The following NUP210 variants were observed in gnomAD, a reference collection of about 807,000 sequenced individuals.
The protein encoded by NUP210 is nucleoporin 210, also known as nuclear pore membrane glycoprotein 210.
NUP210 carries 151 observed loss-of-function variants against 196.0 expected under a neutral mutation model. The observed-to-expected ratio is 0.77, with a 90% CI of 0.67 to 0.88. The LOEUF (loss-of-function observed/expected upper bound fraction) is 0.88, where lower values mean the gene tolerates loss of function less well. Among genes scored for constraint, NUP210 ranks in the 40% least tolerant of loss-of-function variants. The probability of loss-of-function intolerance (pLI) is 0.00; values close to 1 mark genes in which losing one functional copy is unlikely to be tolerated. For synonymous variants in NUP210, 1,070 were observed against 1,052.7 expected (o/e 1.02, Z -0.32); for missense variants, 2,314 against 2,493.7 (o/e 0.93, Z 1.53).
chr3:13,324,612 C>G (rs564599685), intron 33 of NUP210, among the ~76,000 whole-genome samples: 1 of 152,288 alleles, frequency 6.6e-6, no homozygotes, highest in African/African-American at 2.4e-5. Context: ...TCCCTCCCGT[C>G]TCTCCCAAAC....
At chr3:13,388,228 G>T in intron 5 of NUP210, 75 bp downstream of exon 5, 3 of 1,158,152 alleles carry the variant, frequency 2.6e-6, no homozygotes, top group Non-Finnish European at 2.4e-6. Flanking sequence ...TAGGTGTGAT[G>T]GTACCTATAA....
chr3:13,375,259 G>A (rs1183538478), intron 11 of NUP210, among the ~76,000 whole-genome samples: 3 of 151,604 alleles, frequency 2.0e-5, no homozygotes, highest in African/African-American at 7.3e-5. Context: ...AAAGTGCTGG[G>A]ACTGCAGGTG....
intron 20 of NUP210, 97 bp downstream of exon 20, chr3:13,351,782 G>A (rs749247844): frequency 2.4e-6 from 2 of 818,740 alleles, no homozygotes; most frequent in East Asian, 5.1e-5. Flanking sequence ...CCGAGTGTGA[G>A]TCAAGTGCTA....
chr3:13,394,008 T>C lies in NUP210; in HGVS notation c.437-2701A>G, dbSNP rs558240007. 1.1e-4 allele frequency among the ~76,000 whole-genome samples: 17 copies of C among 152,370 alleles called. No individual in the cohort carries two copies. The East Asian group carries it at 2.7e-3, about 24-fold the overall frequency. ...CAGAAGAATGAACTGATTTCAGTTA[T>C]GTCTTCCTAGTGCTGACCTTGACAA... On this transcript the variant is annotated intron_variant, in intron 3 of 39. Transcript: ENST00000254508.
chr3:13,383,647 C>G (rs1699174673), intron 6 of NUP210, among the ~76,000 whole-genome samples: 1 of 151,276 alleles, frequency 6.6e-6, no homozygotes, highest in Non-Finnish European at 1.5e-5. Flanking sequence ...GCCTCAGCCT[C>G]CTGAGTAGCT....
Position 13,348,389 on chromosome 3 carries a change from G to A in NUP210, c.2835+3490C>T. 1 of 985,378 alleles carries A rather than the reference G, an allele frequency of 1.0e-6. No individual in the cohort carries two copies. The highest frequency in any genetic ancestry group is 1.2e-6 in the Non-Finnish European group (1 of 829,908). The allele number at this position is 985,378 out of a possible 1,614,324, so 61.0% of individuals were successfully genotyped here. A position where few individuals can be genotyped will look rare whatever the true frequency, so the allele number is the denominator to read the frequency against. On this transcript the variant is annotated intron_variant, in intron 20 of 39. Transcript: ENST00000254508. This position sits in a 1 kb window ranked among gnomAD's most constrained non-coding sequence, Gnocchi z 4.0. ...CTCTGGTCACAAGTCCACCCTCAGA[G>A]CTTGCACAGAATGACAGGTGCAAGG... is the stretch of plus-strand genomic sequence containing the variant.
In NUP210 at chr3:13,337,829, C is replaced by T. The variant is rs373780702; in HGVS notation, c.3552+8G>A. On this transcript the variant is annotated splice_region_variant and intron_variant, in intron 26 of 39. Coordinates refer to ENST00000254508, the MANE Select transcript of NUP210 (RefSeq NM_024923.4). Reference sequence around the variant, plus strand: ...AACCAGGATTCAGAGCCCAGGAGGTCCCCTCACCTGGGTGCCCGTCCTCAT... The same window carrying T: ...AACCAGGATTCAGAGCCCAGGAGGTTCCCTCACCTGGGTGCCCGTCCTCAT... 5.2e-5 allele frequency: 83 copies of T among 1,606,446 alleles called. No homozygotes were observed. In the Admixed American group the frequency reaches 1.4e-3, roughly 27 times the overall value.
rs1697015664 is a variant in NUP210 at position 13,332,028 on chromosome 3, T to C, written c.3935+265A>G. 2.0e-5 allele frequency among the ~76,000 whole-genome samples: 3 copies of C among 152,158 alleles called. 1 individual carries two copies. The South Asian group carries it at 6.2e-4, about 32-fold the overall frequency. The stretch of plus-strand genomic sequence containing the variant: ...ATTTCTAAGCTGGTGTTTTTTTCCC[T>C]TTTAAAGACTGAATTTTAGTACCTC... On this transcript the variant is annotated intron_variant, in intron 29 of 39. Transcript: ENST00000254508.
In NUP210 at chr3:13,348,847, G is replaced by A. The variant is rs1010011501; in HGVS notation, c.2835+3032C>T. ...AGACAGCTGGAGACCAACATCAAAC[G>A]CTGAAGGAAGGTTTTCGAAAACACC... On this transcript the variant is annotated intron_variant, in intron 20 of 39. Transcript: ENST00000254508. This position sits in a 1 kb window ranked among gnomAD's most constrained non-coding sequence, Gnocchi z 4.0. The A allele has an allele frequency of 2.1e-5, 21 of 985,282 alleles. No individual in the cohort carries two copies. The highest frequency in any genetic ancestry group is 2.3e-5 in the Non-Finnish European group (19 of 829,934). The allele number at this position is 985,282 out of a possible 1,614,324, so 61.0% of individuals were successfully genotyped here.
At chr3:13,405,397 C>A (rs1158333922) in intron 1 of NUP210, among the ~76,000 whole-genome samples, 1 of 152,168 alleles carries the variant, frequency 6.6e-6, no homozygotes, top group Non-Finnish European at 1.5e-5. Context: ...AAACCATCAG[C>A]TCTCCTGAGA....
intron 34 of NUP210, among the ~76,000 whole-genome samples, chr3:13,322,633 C>T (rs1193866126): frequency 6.6e-6 from 1 of 152,250 alleles, no homozygotes; most frequent in Non-Finnish European, 1.5e-5. Context: ...CCACTAATGC[C>T]TGTCTTCTGT....
rs150033238 is a variant in NUP210 at position 13,371,251 on chromosome 3, G to C, written c.1786+583C>G. On this transcript the variant is annotated intron_variant, in intron 13 of 39. Transcript: ENST00000254508. ...TGTCCCAGGCCATGTGTGACCTTAG[G>C]CAGCTACAGCTACACAGCCTCAGTT... Among the ~76,000 whole-genome samples the C allele has an allele frequency of 1.2e-3, 189 of 152,312 alleles. No individual in the cohort carries two copies. In the Middle Eastern group the frequency reaches 0.02, roughly 16 times the overall value.
In NUP210 at chr3:13,373,985, T is replaced by G. The variant is rs1698815535; in HGVS notation, c.1432-112A>C. 1.1e-4 allele frequency: 138 copies of G among 1,244,044 alleles called. 10 individuals are homozygous for G. The South Asian group carries it at 1.9e-3, about 17-fold the overall frequency. The allele number at this position is 1,244,044 out of a possible 1,614,324, so 77.1% of individuals were successfully genotyped here. Reference sequence around the variant, plus strand: ...GCACGTACTCACACTCATACACATTTATCCTCACACTCATGGGTTCACCCA... The same window carrying G: ...GCACGTACTCACACTCATACACATTGATCCTCACACTCATGGGTTCACCCA... On this transcript the variant is annotated intron_variant, in intron 11 of 39. Transcript: ENST00000254508.
In NUP210 at chr3:13,321,569, T is replaced by C. The variant is rs776817608; in HGVS notation, c.5166+16A>G. The C allele has an allele frequency of 2.5e-6, 4 of 1,610,596 alleles. No individual in the cohort carries two copies. The highest frequency in any genetic ancestry group is 3.4e-6 in the Non-Finnish European group (4 of 1,176,948). On this transcript the variant is annotated intron_variant, in intron 36 of 39. Transcript: ENST00000254508. The stretch of plus-strand genomic sequence containing the variant: ...CCTGACTCCGGCCTGGCCTGAGGCA[T>C]GCAGATGCCACTCACCTCCAAGTTC...
At chr3:13,368,101 G>T (rs1698602681) in intron 13 of NUP210, among the ~76,000 whole-genome samples, 1 of 151,848 alleles carries the variant, frequency 6.6e-6, no homozygotes, top group Admixed American at 6.6e-5. Flanking sequence ...TTTGAGACAG[G>T]GTCTTGCTCT....
At position 13,353,727 on chromosome 3, in the gene NUP210, C is replaced by A; in HGVS notation, c.2522-67G>T. The A allele has an allele frequency of 2.1e-6, 3 of 1,415,236 alleles. No homozygotes were observed. In the Admixed American group the frequency reaches 5.1e-5, roughly 24 times the overall value. The allele number at this position is 1,415,236 out of a possible 1,614,324, so 87.7% of individuals were successfully genotyped here. On this transcript the variant is annotated intron_variant, in intron 17 of 39. Coordinates refer to ENST00000254508, the MANE Select transcript of NUP210 (RefSeq NM_024923.4). ...ATCACCACCCCTGAAGCAGCCCCTC[C>A]CTCCTTCTGATTTGCAGTTTCGAAT... is the stretch of plus-strand genomic sequence containing the variant.
chr3:13,366,484 A>G (rs913364822), intron 13 of NUP210, among the ~76,000 whole-genome samples: 1 of 144,560 alleles, frequency 6.9e-6, no homozygotes, highest in Admixed American at 6.8e-5. Context: ...CCCCTCTTTC[A>G]TCCCAGGCTT....
chr3:13,374,915 G>C (rs532108985), intron 11 of NUP210, among the ~76,000 whole-genome samples: 1 of 152,202 alleles, frequency 6.6e-6, no homozygotes, highest in East Asian at 1.9e-4. Context: ...ACGAGGACTC[G>C]AGCCCTGTCT....
At chr3:13,377,865 CAGGCCCCACACCACTTACCTGG>C (rs1298332855) in intron 8 of NUP210, among the ~76,000 whole-genome samples, 9 of 140,834 alleles carry the variant, frequency 6.4e-5, no homozygotes, top group Admixed American at 2.8e-4. Flanking sequence ...CACCCACCTG[CAGGCCCCACACCACTTACCTGG>C]AGGCCCCACA....
Sources: allele counts gnomAD v4.1 joint callset (sites outside exome capture counted in the v4.1 genomes callset), GRCh38; gene constraint gnomAD v4.1.1; non-coding constraint Gnocchi (gnomAD v3.1); transcripts MANE v1.5; gene names NCBI Gene and HGNC (gene_info 2026-07-23, HGNC 2026-07-21).